Variants in PRRC2B observed in about 807,000 individuals in gnomAD.
The protein encoded by PRRC2B is protein PRRC2B.
In PRRC2B, 68 loss-of-function variants were observed where a neutral mutation model predicts 242.3. The ratio of observed to expected loss-of-function variants is 0.28; its 90% confidence interval spans 0.23 to 0.34. The LOEUF is 0.34. Ranked by LOEUF, PRRC2B falls within the 10% of genes least tolerant of loss-of-function variation. PRRC2B has a pLI of 1.00. For missense variants in PRRC2B, 2,835 were observed against 2,954.8 expected, an observed-to-expected ratio of 0.96 and a Z score of 0.94; for synonymous variants, 1,228 against 1,173.6, an observed-to-expected ratio of 1.05 and a Z score of -0.95.
intron 13 of PRRC2B, among the ~76,000 whole-genome samples, chr9:131,468,688 G>C (rs911788939): frequency 1.3e-5 from 2 of 152,146 alleles, no homozygotes; most frequent in African/African-American, 4.8e-5. Flanking sequence ...ACACCAAACA[G>C]CAAGGTGTGC....
intron 4 of PRRC2B, among the ~76,000 whole-genome samples, chr9:131,437,236 A>G (rs948678576): frequency 6.6e-6 from 1 of 152,278 alleles, no homozygotes; most frequent in African/African-American, 2.4e-5. Context: ...AATGGGCAGC[A>G]GTCCCTGAAT....
In PRRC2B at chr9:131,491,615, G is replaced by A. The variant is rs150872081; in HGVS notation, c.6381+35G>A. 177 of 1,567,668 alleles carry A rather than the reference G, an allele frequency of 1.1e-4. No homozygotes were observed. In the African/African-American group the frequency reaches 2.1e-3, roughly 18 times the overall value. On this transcript the variant is annotated intron_variant, in intron 29 of 31. Transcript: ENST00000683519. ...CCCCATCTGCCTCTGACCCTAGGGA[G>A]GGGGCCTTGTGTCACCAACTTTTTC...
chr9:131,480,302 A>G (rs1444728158), intron 19 of PRRC2B, among the ~76,000 whole-genome samples: 2 of 152,226 alleles, frequency 1.3e-5, no homozygotes, highest in Non-Finnish European at 2.9e-5. Context: ...GGTTCTTGCA[A>G]ACTACAAAAT....
In PRRC2B at chr9:131,494,286, A is replaced by G. The variant is rs1944272209; in HGVS notation, c.6474-119A>G. On this transcript the variant is annotated intron_variant, in intron 30 of 31. Transcript: ENST00000683519. This position sits in a 1 kb window ranked among gnomAD's most constrained non-coding sequence, Gnocchi z 4.3. Reference sequence around the variant, plus strand: ...TCCAAGAGATCCACGGACCGTCCCGAGTGAGCGCCTCTGGCCGCAGGCCCT... The same window carrying G: ...TCCAAGAGATCCACGGACCGTCCCGGGTGAGCGCCTCTGGCCGCAGGCCCT... The G allele has an allele frequency of 1.6e-6, 1 of 622,812 alleles. No individual in the cohort carries two copies. The highest frequency in any genetic ancestry group is 1.9e-5 in the South Asian group (1 of 51,830). The allele number at this position is 622,812 out of a possible 1,614,324, so 38.6% of individuals were successfully genotyped here. A position where few individuals can be genotyped will look rare whatever the true frequency, so the allele number is the denominator to read the frequency against.
At chr9:131,445,935 G>GC (rs1838787021) in intron 6 of PRRC2B, among the ~76,000 whole-genome samples, 1 of 152,228 alleles carries the variant, frequency 6.6e-6, no homozygotes, top group Non-Finnish European at 1.5e-5. Flanking sequence ...TGTCTTGTGG[G>GC]CTGGGGGATC....
intron 1 of PRRC2B, among the ~76,000 whole-genome samples, chr9:131,377,078 CCTGA>C (rs1248121298): frequency 3.3e-5 from 5 of 152,262 alleles, no homozygotes; most frequent in African/African-American, 1.2e-4. Flanking sequence ...CGGTAGCCAA[CCTGA>C]CTAATACATA....
At chr9:131,432,518 A>G in intron 2 of PRRC2B, 99 bp from the exon 3 acceptor site, 1 of 1,187,342 alleles carries the variant, frequency 8.4e-7, no homozygotes, top group South Asian at 1.5e-5. Flanking sequence ...TAGCTTTGTT[A>G]TGATCACTTA....
chr9:131,486,095 C>T lies in PRRC2B; in HGVS notation c.5769C>T (p.Leu1923=). ...CCGCTCTGTTTCCAGGCAGCCACCTCCCGCCCCTGTACCTGGATGGCCATG... is the reference window on the plus strand; with the variant it reads ...CCGCTCTGTTTCCAGGCAGCCACCTTCCGCCCCTGTACCTGGATGGCCATG... ...APSASMPGSH[L]PPLYLDGHVF... is the part of the protein sequence containing the mutation. The change falls in exon 26 of 32, where the codon CTC becomes CTT. Residue 1923 remains leucine (L), a synonymous_variant. Transcript: ENST00000683519. The T allele has an allele frequency of 2.5e-6, 4 of 1,611,876 alleles. No homozygotes were observed. Among genetic ancestry groups the T allele is most frequent in the Non-Finnish European group, 3.4e-6 (4 of 1,178,726 alleles).
At chr9:131,483,234 C>A in intron 22 of PRRC2B, 125 bp from the exon 23 acceptor site, 2 of 908,068 alleles carry the variant, frequency 2.2e-6, no homozygotes, top group Non-Finnish European at 3.5e-6. Context: ...TCATATGTGG[C>A]TCCAGTGAAT....
chr9:131,485,849 C>T (rs1372492084), intron 25 of PRRC2B: 18 of 733,832 alleles, frequency 2.5e-5, no homozygotes, highest in South Asian at 2.2e-4. Flanking sequence ...CCTGCCTCCT[C>T]CCTCCTCCTA....
At chr9:131,397,691 A>G (rs1012024151) in intron 1 of PRRC2B, among the ~76,000 whole-genome samples, 4 of 147,134 alleles carry the variant, frequency 2.7e-5, no homozygotes, top group African/African-American at 7.6e-5. Context: ...GTTGGTTTCT[A>G]TTTCAAACCA....
intron 5 of PRRC2B, among the ~76,000 whole-genome samples, chr9:131,443,015 G>T (rs1231060624): frequency 6.6e-6 from 1 of 151,516 alleles, no homozygotes; most frequent in Non-Finnish European, 1.5e-5. Flanking sequence ...AATGCGGAAG[G>T]ACAGGTGAAT....
At chr9:131,377,321 G>A (rs977797210) in intron 1 of PRRC2B, among the ~76,000 whole-genome samples, 23 of 152,222 alleles carry the variant, frequency 1.5e-4, no homozygotes, top group African/African-American at 5.5e-4. Flanking sequence ...CACCATGTTG[G>A]CCAGGATGGT....
chr9:131,454,980 G>T, intron 9 of PRRC2B, 96 bp from the exon 10 acceptor site: 1 of 899,054 alleles, frequency 1.1e-6, no homozygotes. Context: ...CCTCAGCCTC[G>T]CAAAGTACTG....
In PRRC2B at chr9:131,429,788, A is replaced by G. The variant is rs151285731; in HGVS notation, c.-51-306A>G. On this transcript the variant is annotated intron_variant, in intron 1 of 31. Transcript: ENST00000683519. ...AGGGCTCTGTTGAAGTTTACATGTC[A>G]GTGTGGTTGGTGTGCAGTAGACTCC... 1.7e-3 allele frequency among the ~76,000 whole-genome samples: 256 copies of G among 152,226 alleles called. 7 individuals are homozygous for G. In the East Asian group the frequency reaches 0.033, roughly 20 times the overall value.
chr9:131,446,663 T>A lies in PRRC2B; in HGVS notation c.855+21T>A. The A allele has an allele frequency of 6.2e-7, 1 of 1,610,350 alleles. No homozygotes were observed. The highest frequency in any genetic ancestry group is 8.5e-7 in the Non-Finnish European group (1 of 1,178,438). ...CTTTTGTAAGTCTTCAGAGTGTACT[T>A]TTTTTCCCCCCATGAAGTTGGATTG... On this transcript the variant is annotated intron_variant, in intron 7 of 31. Coordinates refer to ENST00000683519, the MANE Select transcript of PRRC2B (RefSeq NM_013318.4). This position sits in a 1 kb window ranked among gnomAD's most constrained non-coding sequence, Gnocchi z 4.1.
rs1041210793 is a variant in PRRC2B at position 131,491,356 on chromosome 9, G to A, written c.6226-69G>A. The A allele has an allele frequency of 3.3e-5, 47 of 1,434,626 alleles. No individual in the cohort carries two copies. The African/African-American group carries it at 3.6e-4, about 11-fold the overall frequency. The allele number at this position is 1,434,626 out of a possible 1,614,324, so 88.9% of individuals were successfully genotyped here. The stretch of plus-strand genomic sequence containing the variant: ...ATGAATCTGAAGTGCATGTGCGGTC[G>A]CTCTTTGGTGCGTTTGGGGTTTCTC... On this transcript the variant is annotated intron_variant, in intron 28 of 31. Transcript: ENST00000683519.
In PRRC2B at chr9:131,487,267, A is replaced by G. The variant is rs201339258; in HGVS notation, c.5957A>G (p.Glu1986Gly). 17 of 1,612,116 alleles carry G rather than the reference A, an allele frequency of 1.1e-5. No homozygotes were observed. Among genetic ancestry groups the G allele is most frequent in the Non-Finnish European group, 1.4e-5 (17 of 1,179,032 alleles). Reference sequence around the variant, plus strand: ...GGGCTTCCTGTGTCCCAGTCCCAGGAGATCTTCAGCTCCTTGCAGCCCTTC... The same window carrying G: ...GGGCTTCCTGTGTCCCAGTCCCAGGGGATCTTCAGCTCCTTGCAGCCCTTC... Reference protein sequence around the residue: ...RGGLPVSQSQEIFSSLQPFRS... With the variant: ...RGGLPVSQSQGIFSSLQPFRS... The change falls in exon 27 of 32, where the codon GAG becomes GGG. Residue 1986 changes from glutamate to glycine, a missense_variant. Glu to Gly is a moderately conservative substitution (Grantham distance 98, BLOSUM62 -2). Transcript: ENST00000683519. The surrounding 1 kb of genome is among the most constrained non-coding windows in gnomAD (Gnocchi z 5.3).
Position 131,421,485 on chromosome 9 carries a change from G to T in PRRC2B, c.-51-8609G>T, listed in dbSNP as rs542167000. Among the ~76,000 whole-genome samples the T allele has an allele frequency of 2.0e-5, 3 of 152,282 alleles. No homozygotes were observed. In the South Asian group the frequency reaches 6.2e-4, roughly 32 times the overall value. On this transcript the variant is annotated intron_variant, in intron 1 of 31. Coordinates refer to ENST00000683519, the MANE Select transcript of PRRC2B (RefSeq NM_013318.4). The stretch of plus-strand genomic sequence containing the variant: ...TGTTACTTCCTGAAGCGTTTATCCA[G>T]CCTGCTATCAATTTCCATGCCTGTG...
Sources: allele counts gnomAD v4.1 joint callset (sites outside exome capture counted in the v4.1 genomes callset), GRCh38; gene constraint gnomAD v4.1.1; non-coding constraint Gnocchi (gnomAD v3.1); transcripts MANE v1.5; gene names NCBI Gene and HGNC (gene_info 2026-07-23, HGNC 2026-07-21).